Variants in LRP12 observed in about 807,000 individuals in gnomAD.
The protein encoded by LRP12 is LDL receptor related protein 12.
Under a neutral mutation model 66.0 loss-of-function variants are expected in LRP12, and 14 were observed. The observed-to-expected ratio is 0.21, with a 90% CI of 0.14 to 0.33. The LOEUF (loss-of-function observed/expected upper bound fraction) is 0.33, where lower values mean the gene tolerates loss of function less well. Ranked by LOEUF, LRP12 falls within the 10% of genes least tolerant of loss-of-function variation. The pLI is 1.00. For missense variants in LRP12, 889 were observed against 1,053.4 expected, an observed-to-expected ratio of 0.84 and a Z score of 2.16; for synonymous variants, 357 against 359.1, an observed-to-expected ratio of 0.99 and a Z score of 0.07.
At chr8:104,574,387 G>A (rs867498587) in intron 1 of LRP12, among the ~76,000 whole-genome samples, 16 of 152,278 alleles carry the variant, frequency 1.1e-4, no homozygotes, top group African/African-American at 3.1e-4. Flanking sequence ...TTTGGAAACT[G>A]CTGCTAAACA....
intron 1 of LRP12, among the ~76,000 whole-genome samples, chr8:104,582,489 T>C (rs973795124): frequency 3.3e-5 from 5 of 152,218 alleles, no homozygotes; most frequent in Non-Finnish European, 5.9e-5. Context: ...AAGCAATCTT[T>C]ATTGATAGCT....
chr8:104,588,855 A>C lies in LRP12; in HGVS notation c.43T>G (p.Ser15Ala), dbSNP rs776047772. Residue 15 changes from serine to alanine, a missense_variant, in exon 1 of 7, where the codon TCT (serine) becomes GCT (alanine). Coordinates refer to ENST00000276654, the MANE Select transcript of LRP12 (RefSeq NM_013437.5). ...GCGAGGAAAAGCAAGAGCAACGCAGACCTCCACCGCGGAGACTCTTTTGTG... is the reference window on the plus strand; with the variant it reads ...GCGAGGAAAAGCAAGAGCAACGCAGCCCTCCACCGCGGAGACTCTTTTGTG... ...WSTKESPRWR[S>A]ALLLLFLAGV... 1.2e-6 allele frequency: 2 copies of C among 1,611,706 alleles called. No individual in the cohort carries two copies. Among genetic ancestry groups the C allele is most frequent in the East Asian group, 2.2e-5 (1 of 44,700 alleles).
At chr8:104,529,237 G>A (rs1162018678) in intron 2 of LRP12, among the ~76,000 whole-genome samples, 1 of 152,160 alleles carries the variant, frequency 6.6e-6, no homozygotes, top group Non-Finnish European at 1.5e-5. Context: ...TGTGAAGACA[G>A]TAAGAAGACA....
At chr8:104,550,864 C>A (rs1387910440) in intron 1 of LRP12, among the ~76,000 whole-genome samples, 3 of 152,136 alleles carry the variant, frequency 2.0e-5, no homozygotes, top group Non-Finnish European at 4.4e-5. Flanking sequence ...TTTGGTCTCA[C>A]AACTCTTTGA....
At position 104,499,407 on chromosome 8, in the gene LRP12, G is replaced by C; in HGVS notation, c.385C>G (p.Pro129Ala). 6.2e-7 allele frequency: 1 copy of C among 1,613,594 alleles called. No homozygotes were observed. The highest frequency in any genetic ancestry group is 8.5e-7 in the Non-Finnish European group (1 of 1,179,618). The change falls in exon 4 of 7, where the codon CCG (proline) becomes GCG (alanine). Residue 129 changes from proline to alanine, a missense_variant. Physicochemically the swap from Pro to Ala is conservative, Grantham distance 27. This residue lies in a region of LRP12 where 800 missense variants were observed against 964.5 expected (regional missense o/e 0.83). Transcript: ENST00000276654. ...YRACGSTIPP[P>A]YISSQDHIWI... Reference sequence around the variant, plus strand: ...ATGTGGTCTTGTGAAGAGATATACGGAGGTGGAATTGTGGAACCACAAGCT... The same window carrying C: ...ATGTGGTCTTGTGAAGAGATATACGCAGGTGGAATTGTGGAACCACAAGCT...
chr8:104,574,899 C>G (rs1370271184), intron 1 of LRP12, among the ~76,000 whole-genome samples: 1 of 152,030 alleles, frequency 6.6e-6, no homozygotes, highest in Non-Finnish European at 1.5e-5. Flanking sequence ...ATCTGAGATG[C>G]TTCTAAGAAG....
chr8:104,510,504 C>A (rs1810975261), intron 2 of LRP12, among the ~76,000 whole-genome samples: 1 of 152,124 alleles, frequency 6.6e-6, no homozygotes, highest in Admixed American at 6.5e-5. Context: ...ACTCTCGTTG[C>A]AATATAGTTA....
At chr8:104,548,269 ATATAT>A (rs1250562557) in intron 1 of LRP12, among the ~76,000 whole-genome samples, 4 of 96,722 alleles carry the variant, frequency 4.1e-5, no homozygotes, top group African/African-American at 1.4e-4. Flanking sequence ...AATATATGAT[ATATAT>A]TATATTAATA....
At chr8:104,514,427 G>A (rs1474475469) in intron 2 of LRP12, among the ~76,000 whole-genome samples, 3 of 151,584 alleles carry the variant, frequency 2.0e-5, no homozygotes, top group Admixed American at 1.3e-4. Context: ...TTAAGTCTCC[G>A]GCCAAGTGTG....
rs1050149343 is a variant in LRP12, at chr8:104,544,984, A to G, written c.80-13021T>C. On this transcript the variant is annotated intron_variant, in intron 1 of 6. Coordinates refer to ENST00000276654, the MANE Select transcript of LRP12 (RefSeq NM_013437.5). ...GGCAAAGTAAATTGAAACCTCTCAAAAGGATTCACCATTCTAGATGTCATT... is the reference window on the plus strand; with the variant it reads ...GGCAAAGTAAATTGAAACCTCTCAAGAGGATTCACCATTCTAGATGTCATT... Among the ~76,000 whole-genome samples the G allele has an allele frequency of 6.6e-5, 10 of 152,240 alleles. No individual in the cohort carries two copies. In the South Asian group the frequency reaches 2.1e-3, roughly 32 times the overall value.
intron 2 of LRP12, among the ~76,000 whole-genome samples, chr8:104,528,158 T>C (rs978938769): frequency 3.3e-5 from 5 of 152,214 alleles, no homozygotes; most frequent in African/African-American, 1.2e-4. Flanking sequence ...ATTAAAATTC[T>C]TTCTAAAATC....
chr8:104,560,060 T>C (rs539249767), intron 1 of LRP12, among the ~76,000 whole-genome samples: 1 of 152,286 alleles, frequency 6.6e-6, no homozygotes, highest in African/African-American at 2.4e-5. Context: ...AACTTAGGTC[T>C]GTCTTATTAT....
chr8:104,573,133 T>C (rs1812107194), intron 1 of LRP12, among the ~76,000 whole-genome samples: 1 of 152,234 alleles, frequency 6.6e-6, no homozygotes, highest in Non-Finnish European at 1.5e-5. Flanking sequence ...CCGATAGTAG[T>C]AGGTTCTCCT....
intron 1 of LRP12, among the ~76,000 whole-genome samples, chr8:104,540,774 G>T (rs1811464338): frequency 6.6e-6 from 1 of 152,050 alleles, no homozygotes. Flanking sequence ...TCGCTCTGTC[G>T]CTAGGCTAGA....
At chr8:104,550,839 A>G (rs539275293) in intron 1 of LRP12, among the ~76,000 whole-genome samples, 1 of 152,204 alleles carries the variant, frequency 6.6e-6, no homozygotes, top group South Asian at 2.1e-4. Flanking sequence ...TAGCTTGCAA[A>G]CTGGTTTTCC....
intron 2 of LRP12, among the ~76,000 whole-genome samples, chr8:104,518,330 A>G (rs1032706225): frequency 5.9e-5 from 9 of 152,090 alleles, no homozygotes; most frequent in African/African-American, 1.7e-4. Flanking sequence ...GGAGGCACAG[A>G]GAAATTTGGT....
chr8:104,527,699 G>T (rs1258130021), intron 2 of LRP12, among the ~76,000 whole-genome samples: 1 of 152,102 alleles, frequency 6.6e-6, no homozygotes, highest in African/African-American at 2.4e-5. Flanking sequence ...AGGGGAGCGA[G>T]GAGGGATAGC....
At chr8:104,571,265 T>C (rs1004182853) in intron 1 of LRP12, among the ~76,000 whole-genome samples, 60 of 152,164 alleles carry the variant, frequency 3.9e-4, no homozygotes, top group Non-Finnish European at 2.4e-4. Flanking sequence ...AGACCAGTAA[T>C]GGGCCGTGGC....
At chr8:104,574,684 C>T (rs4593510) in intron 1 of LRP12, among the ~76,000 whole-genome samples, 20,132 of 152,120 alleles carry the variant, frequency 0.13, 1,895 homozygotes, top group African/African-American at 0.27. Flanking sequence ...AAATTTACAA[C>T]GGATTTTGAA....
Sources: allele counts gnomAD v4.1 joint callset (sites outside exome capture counted in the v4.1 genomes callset), GRCh38; gene constraint gnomAD v4.1.1; regional missense constraint gnomAD v4.1.1; transcripts MANE v1.5; gene names NCBI Gene and HGNC (gene_info 2026-07-23, HGNC 2026-07-21).